COL13A1: variants seen among roughly 807,000 people sequenced by gnomAD.
COL13A1 encodes collagen alpha-1(XIII) chain.
Under a neutral mutation model 130.9 loss-of-function variants are expected in COL13A1, and 89 were observed. The ratio of observed to expected loss-of-function variants is 0.68; its 90% confidence interval spans 0.57 to 0.81. The LOEUF (loss-of-function observed/expected upper bound fraction) is 0.81. Ranked by LOEUF, COL13A1 falls within the 30% of genes least tolerant of loss-of-function variation. The pLI is 0.00. For missense variants in COL13A1, 879 were observed against 934.6 expected (o/e 0.94, Z 0.78); for synonymous variants, 402 against 341.6 (o/e 1.18, Z -1.95).
Position 69,940,878 on chromosome 10 carries a change from G to A in COL13A1, c.1879-110G>A, listed in dbSNP as rs2067530491. The A allele has an allele frequency of 2.8e-6, 4 of 1,422,678 alleles. No individual in the cohort carries two copies. In the Admixed American group the frequency reaches 7.0e-5, roughly 25 times the overall value. The allele number at this position is 1,422,678 out of a possible 1,614,324, so 88.1% of individuals were successfully genotyped here. A position where few individuals can be genotyped will look rare whatever the true frequency, so the allele number is the denominator to read the frequency against. On this transcript the variant is annotated intron_variant, in intron 34 of 40. Coordinates refer to ENST00000645393, the MANE Select transcript of COL13A1 (RefSeq NM_001368882.1). Reference sequence around the variant, plus strand: ...GTTGTGTTTGATTACCAGCATTTATGTCTGTCCAGAGTCACTGCTTTACTC... The same window carrying A: ...GTTGTGTTTGATTACCAGCATTTATATCTGTCCAGAGTCACTGCTTTACTC...
intron 25 of COL13A1, 47 bp from the exon 26 acceptor site, chr10:69,925,757 G>T: frequency 6.7e-7 from 1 of 1,483,872 alleles, no homozygotes; most frequent in African/African-American, 1.4e-5. Context: ...TTGCCCTCCC[G>T]GCCCTCCCGG....
chr10:69,890,904 A>G (rs1236801756), intron 10 of COL13A1, among the ~76,000 whole-genome samples: 1 of 152,268 alleles, frequency 6.6e-6, no homozygotes, highest in Non-Finnish European at 1.5e-5. Context: ...CTGAAGTCAC[A>G]CAGCTGAATG....
intron 2 of COL13A1, among the ~76,000 whole-genome samples, chr10:69,864,402 A>T (rs1274715486): frequency 6.6e-6 from 1 of 152,184 alleles, no homozygotes; most frequent in Non-Finnish European, 1.5e-5. Flanking sequence ...TTTAGTTCTC[A>T]TCACTGGAAT....
rs199762802 is a variant in COL13A1 at position 69,878,816 on chromosome 10, G to A, written c.462+751G>A. 1.4e-4 allele frequency among the ~76,000 whole-genome samples: 22 copies of A among 152,360 alleles called. No homozygotes were observed. In the East Asian group the frequency reaches 3.1e-3, roughly 21 times the overall value. ...CTTCTAAAGAGTTCACTCTGCAGGT[G>A]AGGAAACTCATCTGATGCCCAAGGA... On this transcript the variant is annotated intron_variant, in intron 6 of 40. Coordinates refer to ENST00000645393, the MANE Select transcript of COL13A1 (RefSeq NM_001368882.1).
intron 2 of COL13A1, among the ~76,000 whole-genome samples, chr10:69,838,636 G>A (rs944269183): frequency 3.9e-5 from 6 of 152,344 alleles, no homozygotes; most frequent in South Asian, 4.1e-4. Context: ...CTTGGGGACC[G>A]GCCCTTGCCA....
intron 18 of COL13A1, 139 bp from the exon 19 acceptor site, chr10:69,918,146 G>A (rs897206374): frequency 6.2e-6 from 4 of 643,498 alleles, no homozygotes; most frequent in African/African-American, 1.8e-5. Context: ...TCCCAGGTGG[G>A]GTTGGTGGTT....
rs116139759 is a variant in COL13A1 at position 69,924,618 on chromosome 10, A to T, written c.1285-345A>T. Reference sequence around the variant, plus strand: ...AAAGCTGCTGAGTCCTGGATACCTGAGCAGGATGGAATTAAAGAGAAGCAA... The same window carrying T: ...AAAGCTGCTGAGTCCTGGATACCTGTGCAGGATGGAATTAAAGAGAAGCAA... On this transcript the variant is annotated intron_variant, in intron 24 of 40. Transcript: ENST00000645393. Among the ~76,000 whole-genome samples the T allele has an allele frequency of 4.2e-3, 636 of 152,208 alleles. 3 individuals are homozygous for T. Among genetic ancestry groups the T allele is most frequent in the African/African-American group, 0.015 (605 of 41,522 alleles).
chr10:69,919,357 G>C (rs1472963096), intron 20 of COL13A1, among the ~76,000 whole-genome samples: 1 of 152,218 alleles, frequency 6.6e-6, no homozygotes, highest in Non-Finnish European at 1.5e-5. Flanking sequence ...GTGACAATAA[G>C]AGGTGTGACA....
chr10:69,849,743 C>T (rs2133478471), intron 2 of COL13A1, among the ~76,000 whole-genome samples: 1 of 152,314 alleles, frequency 6.6e-6, no homozygotes, highest in Non-Finnish European at 1.5e-5. Flanking sequence ...TTAGTGACTC[C>T]TTTACAGGTG....
At chr10:69,808,000 G>GT (rs1278886154) in intron 1 of COL13A1, among the ~76,000 whole-genome samples, 1 of 152,198 alleles carries the variant, frequency 6.6e-6, no homozygotes, top group Non-Finnish European at 1.5e-5. Context: ...CTACTTACTA[G>GT]TGACGGTTGG....
intron 31 of COL13A1, among the ~76,000 whole-genome samples, chr10:69,933,156 A>C (rs2066370980): frequency 6.7e-6 from 1 of 148,874 alleles, no homozygotes; most frequent in Admixed American, 6.6e-5. Context: ...AAAAAAAAAA[A>C]AAAAAAAAAA....
chr10:69,845,768 T>G (rs982449514), intron 2 of COL13A1, among the ~76,000 whole-genome samples: 1 of 152,226 alleles, frequency 6.6e-6, no homozygotes, highest in African/African-American at 2.4e-5. Context: ...CAGAATCACC[T>G]AGTCAGCTAA....
chr10:69,823,085 G>A (rs1753375572), intron 2 of COL13A1, among the ~76,000 whole-genome samples: 1 of 152,220 alleles, frequency 6.6e-6, no homozygotes, highest in Non-Finnish European at 1.5e-5. Flanking sequence ...GCCCTGACCT[G>A]TCTATTCTAG....
intron 9 of COL13A1, 88 bp from the exon 10 acceptor site, chr10:69,889,326 C>T (rs146270085): frequency 1.1e-5 from 10 of 895,278 alleles, no homozygotes; most frequent in Admixed American, 5.0e-5. Context: ...GGGAGGAGCA[C>T]AGGGGGCAGG....
intron 10 of COL13A1, 77 bp from the exon 11 acceptor site, chr10:69,894,475 A>T: frequency 6.3e-7 from 1 of 1,575,186 alleles, no homozygotes; most frequent in Non-Finnish European, 8.7e-7. Context: ...ATTCAGCCCC[A>T]ATCCCCACCC....
chr10:69,836,524 G>A (rs1056947642), intron 2 of COL13A1, among the ~76,000 whole-genome samples: 5 of 152,216 alleles, frequency 3.3e-5, no homozygotes, highest in African/African-American at 1.2e-4. Flanking sequence ...AGGGGAGGGA[G>A]GGGAGGGTCA....
At chr10:69,875,698 A>G (rs977748567) in intron 5 of COL13A1, among the ~76,000 whole-genome samples, 1 of 152,372 alleles carries the variant, frequency 6.6e-6, no homozygotes, top group East Asian at 1.9e-4. Flanking sequence ...TTCTTGCAGG[A>G]AAGTGAAGAT....
intron 5 of COL13A1, among the ~76,000 whole-genome samples, chr10:69,877,826 C>T (rs141963725): frequency 7.2e-5 from 11 of 152,286 alleles, no homozygotes; most frequent in Non-Finnish European, 1.5e-4. Flanking sequence ...TGCAGCAGCG[C>T]CTTCCACATG....
intron 6 of COL13A1, among the ~76,000 whole-genome samples, chr10:69,879,121 G>T (rs1417027402): frequency 6.6e-6 from 1 of 152,224 alleles, no homozygotes; most frequent in African/African-American, 2.4e-5. Flanking sequence ...ACGAGGCACA[G>T]AGAGGCCAAG....
Sources: allele counts gnomAD v4.1 joint callset (sites outside exome capture counted in the v4.1 genomes callset), GRCh38; gene constraint gnomAD v4.1.1; transcripts MANE v1.5; gene names NCBI Gene and HGNC (gene_info 2026-07-23, HGNC 2026-07-21).